The following CASZ1 variants were observed in gnomAD, a reference collection of about 807,000 sequenced individuals.
CASZ1 encodes castor zinc finger 1, also known as zinc finger protein castor homolog 1.
In CASZ1, 28 loss-of-function variants were observed where a neutral mutation model predicts 135.2. The observed-to-expected ratio is 0.21, with a 90% CI of 0.15 to 0.28. The LOEUF is 0.28. Among genes scored for constraint, CASZ1 ranks in the 10% least tolerant of loss-of-function variants. The probability of loss-of-function intolerance (pLI) is 1.00; values close to 1 mark genes in which losing one functional copy is unlikely to be tolerated. For missense variants in CASZ1, 2,161 were observed against 2,453.3 expected, an observed-to-expected ratio of 0.88 and a Z score of 2.52; for synonymous variants, 1,068 against 1,073.4, an observed-to-expected ratio of 0.99 and a Z score of 0.10.
chr1:10,659,605 G>C, intron 6 of CASZ1, 97 bp downstream of exon 6: 2 of 916,432 alleles, frequency 2.2e-6, no homozygotes, highest in Non-Finnish European at 3.5e-6. Context: ...GTGAGCGGCA[G>C]GTGTGTCCTC....
intron 2 of CASZ1, among the ~76,000 whole-genome samples, chr1:10,729,148 C>T (rs1006354997): frequency 1.5e-4 from 23 of 152,104 alleles, no homozygotes; most frequent in African/African-American, 5.6e-4. Flanking sequence ...GCCTGCGGCT[C>T]CTGCCCCCCA....
In CASZ1 at chr1:10,796,638, C is replaced by G. The variant is rs1055339244; in HGVS notation, c.-308G>C. Reference sequence around the variant, plus strand: ...TGTGTGTGTTTGGGATGGAGCGCCGCGGGCGCGCATGCGCTGCCCAAAGTT... The same window carrying G: ...TGTGTGTGTTTGGGATGGAGCGCCGGGGGCGCGCATGCGCTGCCCAAAGTT... On this transcript the variant is annotated 5_prime_UTR_variant, in exon 1 of 21. Coordinates refer to ENST00000377022, the MANE Select transcript of CASZ1 (RefSeq NM_001079843.3). 6.6e-6 allele frequency: 1 copy of G among 152,272 alleles called. No homozygotes were observed. The highest frequency in any genetic ancestry group is 2.4e-5 in the African/African-American group (1 of 41,464). The allele number at this position is 152,272 out of a possible 1,614,324, so 9.4% of individuals were successfully genotyped here.
At chr1:10,663,794 C>T (rs1003411832) in intron 5 of CASZ1, among the ~76,000 whole-genome samples, 11 of 152,210 alleles carry the variant, frequency 7.2e-5, no homozygotes, top group Admixed American at 4.6e-4. Context: ...GCTGAGGGGG[C>T]GAGGCCTGGA....
At chr1:10,669,543 G>A (rs79192791) in intron 4 of CASZ1, among the ~76,000 whole-genome samples, 7,338 of 152,278 alleles carry the variant, frequency 0.048, 262 homozygotes, top group South Asian at 0.1. Flanking sequence ...CTCCGTAGGC[G>A]GGGGCAGGCC....
rs1349881189 is a variant in CASZ1, at chr1:10,693,864, C to T, written c.16+10G>A. The T allele has an allele frequency of 2.5e-6, 4 of 1,612,720 alleles. No homozygotes were observed. Among genetic ancestry groups the T allele is most frequent in the Admixed American group, 1.7e-5 (1 of 60,014 alleles). ...GAAAGAGCCGCCCCTGCGTTCCCAC[C>T]GGCCGGTACCTGTTCCAAGATCCAT... On this transcript the variant is annotated intron_variant, in intron 4 of 20. Coordinates refer to ENST00000377022, the MANE Select transcript of CASZ1 (RefSeq NM_001079843.3).
Position 10,649,285 on chromosome 1 carries a change from G to A in CASZ1, c.3033C>T (p.Arg1011=). The A allele has an allele frequency of 6.3e-7, 1 of 1,599,930 alleles. No individual in the cohort carries two copies. The highest frequency in any genetic ancestry group is 8.5e-7 in the Non-Finnish European group (1 of 1,172,952). ...KLAEPWKVYL[R]RFGTKDFCDG... ...GGACGCGGCCAGCAGCCCCTCACCT[G>A]CGCAGGTACACCTTCCAGGGCTCTG... The change falls in exon 14 of 21, where the codon CGC becomes CGT. Residue 1011 remains arginine, a splice_region_variant and synonymous_variant. Transcript: ENST00000377022.
chr1:10,702,278 A>C (rs4845950), intron 3 of CASZ1, among the ~76,000 whole-genome samples: 7,847 of 152,040 alleles, frequency 0.052, 310 homozygotes, highest in East Asian at 0.088. Flanking sequence ...ATGCACCTGC[A>C]CCCTTTCAAG....
At chr1:10,665,032 C>T (rs1339181245) in intron 5 of CASZ1, 51 bp downstream of exon 5, 16 of 1,481,302 alleles carry the variant, frequency 1.1e-5, no homozygotes, top group Non-Finnish European at 1.4e-5. Flanking sequence ...CCCTTCCCCA[C>T]TGGCCTCCCT....
rs2100563815 is a variant in CASZ1 at position 10,755,088 on chromosome 1, C to G, written c.-77+5613G>C. ...GTGGTGAGTGGAAGGGGAGCGACCCCCAGGCCTGAAGGGCAGAGAGCAAGC... is the reference window on the plus strand; with the variant it reads ...GTGGTGAGTGGAAGGGGAGCGACCCGCAGGCCTGAAGGGCAGAGAGCAAGC... On this transcript the variant is annotated intron_variant, in intron 2 of 20. Transcript: ENST00000377022. This position sits in a 1 kb window ranked among gnomAD's most constrained non-coding sequence, Gnocchi z 4.3. 6.6e-6 allele frequency among the ~76,000 whole-genome samples: 1 copy of G among 152,300 alleles called. No homozygotes were observed. Among genetic ancestry groups the G allele is most frequent in the East Asian group, 1.9e-4 (1 of 5,170 alleles).
intron 2 of CASZ1, among the ~76,000 whole-genome samples, chr1:10,734,148 C>T: frequency 6.6e-6 from 1 of 152,026 alleles, no homozygotes; most frequent in East Asian, 1.9e-4. Flanking sequence ...CCTGCCCGAG[C>T]AGATGACAGG....
chr1:10,780,144 C>T (rs923509619), intron 1 of CASZ1, among the ~76,000 whole-genome samples: 19 of 152,340 alleles, frequency 1.2e-4, no homozygotes, highest in Middle Eastern at 3.4e-3. Context: ...AAAAGGCCCA[C>T]GACAACGCTC....
rs550813676 is a variant in CASZ1, at chr1:10,647,833, C to T, written c.3465G>A (p.Gln1155=). The change falls in exon 16 of 21, where the codon CAG becomes CAA. Residue 1155 remains glutamine, a synonymous_variant. Coordinates refer to ENST00000377022, the MANE Select transcript of CASZ1 (RefSeq NM_001079843.3). The surrounding 1 kb of genome is among the most constrained non-coding windows in gnomAD (Gnocchi z 4.9). ...ATTSLENAKP[Q]VKPGFLQFQE... ...GGAACTGGAGGAATCCGGGTTTGAC[C>T]TGGGGCTTGGCGTTCTCTAGAGAAG... 1 of 1,613,798 alleles carries T rather than the reference C, an allele frequency of 6.2e-7. No individual in the cohort carries two copies. Among genetic ancestry groups the T allele is most frequent in the Admixed American group, 1.7e-5 (1 of 60,008 alleles).
At chr1:10,734,466 T>C (rs1639759338) in intron 2 of CASZ1, among the ~76,000 whole-genome samples, 1 of 152,044 alleles carries the variant, frequency 6.6e-6, no homozygotes, top group Admixed American at 6.6e-5. Context: ...CAACAATAAA[T>C]GGTAAAGCAG....
rs932875503 is a variant in CASZ1 at position 10,748,065 on chromosome 1, G to A, written c.-77+12636C>T. ...GATCTCCTGACCTCGTGATCCGCCC[G>A]CCTCGGCCTCCCAAAGTGCTGGGAT... On this transcript the variant is annotated intron_variant, in intron 2 of 20. Coordinates refer to ENST00000377022, the MANE Select transcript of CASZ1 (RefSeq NM_001079843.3). Among the ~76,000 whole-genome samples, 12 of 152,112 alleles carry A rather than the reference G, an allele frequency of 7.9e-5. 1 individual carries two copies. The highest frequency in any genetic ancestry group is 3.9e-4 in the East Asian group (2 of 5,180).
intron 2 of CASZ1, among the ~76,000 whole-genome samples, chr1:10,715,808 C>A (rs1639374783): frequency 8.0e-6 from 1 of 125,124 alleles, no homozygotes; most frequent in Non-Finnish European, 1.7e-5. Context: ...CAATCCACAC[C>A]CCACAGCATC....
In CASZ1 at chr1:10,650,708, G is replaced by C; in HGVS notation, c.2864C>G (p.Ser955Cys). 1 of 1,613,944 alleles carries C rather than the reference G, an allele frequency of 6.2e-7. No homozygotes were observed. Among genetic ancestry groups the C allele is most frequent in the South Asian group, 1.1e-5 (1 of 91,080 alleles). The stretch of plus-strand genomic sequence containing the variant: ...GGCTCTTACCTTATTCATAAGCGAG[G>C]ATAAAAGAGATGAATTTGCCGGGAC... ...HAVPANSSLL[S>C]SLMNKMSQGN... The change falls in exon 13 of 21, where the codon TCC becomes TGC. Residue 955 changes from serine (S) to cysteine (C), a missense_variant. Ser to Cys is a moderately radical substitution (Grantham distance 112). Around this residue, in one of 7 missense-constraint regions of CASZ1, gnomAD observed 406 missense variants for 387.6 expected, o/e 1.05. Transcript: ENST00000377022.
Position 10,646,530 on chromosome 1 carries a change from T to C in CASZ1, c.3498-204A>G, listed in dbSNP as rs1642368654. Among the ~76,000 whole-genome samples the C allele has an allele frequency of 6.6e-6, 1 of 152,194 alleles. No homozygotes were observed. The highest frequency in any genetic ancestry group is 2.1e-4 in the South Asian group (1 of 4,826). On this transcript the variant is annotated intron_variant, in intron 16 of 20. Coordinates refer to ENST00000377022, the MANE Select transcript of CASZ1 (RefSeq NM_001079843.3). This position sits in a 1 kb window ranked among gnomAD's most constrained non-coding sequence, Gnocchi z 6.4. ...TGCATTCCTGCCTCCTTTTAGGAGC[T>C]CTGCATGGTGCACAGGGATTGCAAT...
chr1:10,724,658 G>A lies in CASZ1; in HGVS notation c.-76-19114C>T, dbSNP rs906930465. ...ACTTCTCCCCCAGCCAAAGCAAGCAGGGCCTAGCACGAGCTCCAAGGTTGC... is the reference window on the plus strand; with the variant it reads ...ACTTCTCCCCCAGCCAAAGCAAGCAAGGCCTAGCACGAGCTCCAAGGTTGC... On this transcript the variant is annotated intron_variant, in intron 2 of 20. Transcript: ENST00000377022. This position sits in a 1 kb window ranked among gnomAD's most constrained non-coding sequence, Gnocchi z 4.1. Among the ~76,000 whole-genome samples, 3 of 152,228 alleles carry A rather than the reference G, an allele frequency of 2.0e-5. No individual in the cohort carries two copies. The highest frequency in any genetic ancestry group is 7.2e-5 in the African/African-American group (3 of 41,460).
At chr1:10,665,615 C>A in intron 4 of CASZ1, 44 bp from the exon 5 acceptor site, 1 of 1,489,474 alleles carries the variant, frequency 6.7e-7, no homozygotes, top group South Asian at 1.3e-5. Context: ...GCGTGCAAGG[C>A]CAAGAACAAC....
Sources: allele counts gnomAD v4.1 joint callset (sites outside exome capture counted in the v4.1 genomes callset), GRCh38; gene constraint gnomAD v4.1.1; regional missense constraint gnomAD v4.1.1; non-coding constraint Gnocchi (gnomAD v3.1); transcripts MANE v1.5; gene names NCBI Gene and HGNC (gene_info 2026-07-23, HGNC 2026-07-21).